Variants in DENND6A observed in about 807,000 individuals in gnomAD.
DENND6A encodes DENN domain containing 6A, also known as protein DENND6A.
A neutral mutation model predicts 95.5 loss-of-function variants in DENND6A; 43 were observed. The ratio of observed to expected loss-of-function variants is 0.45; its 90% CI spans 0.35 to 0.58. DENND6A has a LOEUF of 0.58. Ranked by LOEUF, DENND6A falls within the 20% of genes least tolerant of loss-of-function variation. The probability of loss-of-function intolerance (pLI) is 0.00; values close to 1 mark genes in which losing one functional copy is unlikely to be tolerated. For missense variants in DENND6A, 574 were observed against 736.0 expected (o/e 0.78, Z 2.55); for synonymous variants, 257 against 260.4 (o/e 0.99, Z 0.13).
intron 15 of DENND6A, 133 bp from the exon 16 acceptor site, chr3:57,631,111 C>T: frequency 1.4e-6 from 1 of 694,372 alleles, no homozygotes; most frequent in Non-Finnish European, 2.4e-6. Context: ...CATCACTCCC[C>T]ACAAGAGATA....
At chr3:57,686,084 T>C (rs1442270872) in intron 1 of DENND6A, among the ~76,000 whole-genome samples, 3 of 152,190 alleles carry the variant, frequency 2.0e-5, no homozygotes, top group South Asian at 4.1e-4. Flanking sequence ...ATGATTCTTA[T>C]GATAAGAAGA....
chr3:57,642,305 C>A (rs1232252687), intron 11 of DENND6A, among the ~76,000 whole-genome samples: 3 of 123,180 alleles, frequency 2.4e-5, no homozygotes, highest in Admixed American at 2.1e-4. Context: ...CAGAGTGAGA[C>A]TCTGTCTCAA....
At chr3:57,662,185 CTTTTTTTTTTTTT>C (rs60063768) in intron 5 of DENND6A, among the ~76,000 whole-genome samples, 2 of 79,136 alleles carry the variant, frequency 2.5e-5, no homozygotes, top group African/African-American at 9.6e-5. Context: ...TTTCTTTTTT[CTTTTTTTTTTTTT>C]TTTTTTTTTT....
chr3:57,669,622 G>GCTACTCC (rs1407664808), intron 3 of DENND6A, among the ~76,000 whole-genome samples: 2 of 151,988 alleles, frequency 1.3e-5, no homozygotes, highest in African/African-American at 2.4e-5. Context: ...GGCTGAGGCA[G>GCTACTCC]GAGAATGGCG....
At chr3:57,684,095 C>A (rs1450146263) in intron 1 of DENND6A, among the ~76,000 whole-genome samples, 4 of 135,310 alleles carry the variant, frequency 3.0e-5, no homozygotes, top group Non-Finnish European at 6.1e-5. Flanking sequence ...GAGGTTGCAG[C>A]GAGCCAAGAT....
At chr3:57,660,185 C>T (rs929019656) in intron 7 of DENND6A, among the ~76,000 whole-genome samples, 1 of 116,156 alleles carries the variant, frequency 8.6e-6, no homozygotes, top group Non-Finnish European at 1.7e-5. Flanking sequence ...GTGTGAGCTT[C>T]CTACAAAGTT....
At chr3:57,652,993 T>C (rs2071241531) in intron 9 of DENND6A, among the ~76,000 whole-genome samples, 1 of 152,242 alleles carries the variant, frequency 6.6e-6, no homozygotes, top group Non-Finnish European at 1.5e-5. Context: ...TATTAGATGA[T>C]ATTAACTTAT....
chr3:57,656,359 C>CT (rs1411511331), intron 9 of DENND6A, among the ~76,000 whole-genome samples: 2 of 151,904 alleles, frequency 1.3e-5, no homozygotes, highest in East Asian at 3.9e-4. Context: ...ACTGTTCCTT[C>CT]TTTTTTTTAA....
intron 4 of DENND6A, 135 bp from the exon 5 acceptor site, chr3:57,663,851 G>A (rs564590568): frequency 2.5e-5 from 11 of 436,128 alleles, no homozygotes; most frequent in South Asian, 6.9e-5. Flanking sequence ...AGATATACAC[G>A]AAGAGCTAGT....
At position 57,663,665 on chromosome 3, in the gene DENND6A, T is replaced by C. The variant is rs750715182; in HGVS notation, c.484A>G (p.Lys162Glu). ...TGAAAGTAGCCTCTTTTTAGAGTTT[T>C]ATCTCGAACTTGTCGGAAATACACA... The part of the protein sequence containing the change: ...GYVYFRQVRD[K>E]TLKRGYFQKS... Residue 162 changes from lysine to glutamate, a missense_variant, in exon 5 of 20, where the codon AAA becomes GAA. By Grantham distance (56) the Lys-to-Glu change is moderately conservative. Coordinates refer to ENST00000311128, the MANE Select transcript of DENND6A (RefSeq NM_152678.3). The C allele has an allele frequency of 6.3e-7, 1 of 1,587,598 alleles. No homozygotes were observed. Among genetic ancestry groups the C allele is most frequent in the Non-Finnish European group, 8.6e-7 (1 of 1,166,008 alleles).
intron 3 of DENND6A, among the ~76,000 whole-genome samples, chr3:57,669,589 C>A (rs1472582215): frequency 6.6e-6 from 1 of 150,630 alleles, no homozygotes; most frequent in East Asian, 2.0e-4. Context: ...GTGGTGGGCA[C>A]CTGTAGTCCC....
At chr3:57,658,114 T>C (rs2071361540) in intron 8 of DENND6A, among the ~76,000 whole-genome samples, 1 of 150,510 alleles carries the variant, frequency 6.6e-6, no homozygotes, top group Non-Finnish European at 1.5e-5. Context: ...CAGGCGCCTG[T>C]AGTCCCAGCT....
chr3:57,690,301 C>T (rs972158367), intron 1 of DENND6A, among the ~76,000 whole-genome samples: 1 of 152,032 alleles, frequency 6.6e-6, no homozygotes, highest in Non-Finnish European at 1.5e-5. Flanking sequence ...GTCAGGAGAT[C>T]GAGACCATCC....
intron 15 of DENND6A, among the ~76,000 whole-genome samples, chr3:57,632,420 A>G (rs2070705652): frequency 6.6e-6 from 1 of 151,934 alleles, no homozygotes; most frequent in South Asian, 2.1e-4. Context: ...CCTGGCCTTA[A>G]GCAATCCTCT....
intron 7 of DENND6A, among the ~76,000 whole-genome samples, chr3:57,660,071 G>GCAAAATGTATT (rs1480788257): frequency 6.6e-6 from 1 of 152,106 alleles, no homozygotes; most frequent in African/African-American, 2.4e-5. Flanking sequence ...GTTCTAGGAA[G>GCAAAATGTATT]CAAAATGTAT....
intron 9 of DENND6A, among the ~76,000 whole-genome samples, chr3:57,650,034 A>G (rs1393982590): frequency 1.3e-5 from 2 of 152,136 alleles, no homozygotes; most frequent in Non-Finnish European, 2.9e-5. Context: ...AAAGTAACTT[A>G]GGAATGGAAA....
chr3:57,680,461 T>G (rs113135655), intron 1 of DENND6A, among the ~76,000 whole-genome samples: 1 of 150,016 alleles, frequency 6.7e-6, no homozygotes, highest in Non-Finnish European at 1.5e-5. Flanking sequence ...CTCTCCACCA[T>G]GCAAAGACAC....
At chr3:57,646,224 C>T (rs766877014) in intron 10 of DENND6A, 92 bp downstream of exon 10, 65 of 1,488,996 alleles carry the variant, frequency 4.4e-5, no homozygotes, top group Non-Finnish European at 5.4e-5. Context: ...GGGAAAAATA[C>T]GACAGGTGGG....
At chr3:57,648,699 C>T (rs951292689) in intron 9 of DENND6A, among the ~76,000 whole-genome samples, 2 of 152,038 alleles carry the variant, frequency 1.3e-5, no homozygotes, top group African/African-American at 4.8e-5. Flanking sequence ...ACAGAGAACC[C>T]AGAGATAAAG....
Sources: gnomAD v4.1 joint callset for allele counts (sites outside exome capture counted in the v4.1 genomes callset) on GRCh38, gnomAD v4.1.1 for gene constraint, MANE v1.5 for transcripts, NCBI Gene and HGNC (gene_info 2026-07-23, HGNC 2026-07-21) for gene names.